Variants in GALNT8 observed in about 807,000 individuals in gnomAD.
The protein encoded by GALNT8 is polypeptide N-acetylgalactosaminyltransferase 8.
Under a neutral mutation model 62.7 loss-of-function variants are expected in GALNT8, and 66 were observed. That is an observed-to-expected ratio of 1.05 (90% CI 0.86 to 1.29). The LOEUF is 1.29. Among genes scored for constraint, GALNT8 ranks in the 50% most tolerant of loss-of-function variants. The pLI is 0.00. For synonymous variants in GALNT8, 288 were observed against 294.3 expected (o/e 0.98, Z 0.22); for missense variants, 771 against 791.8 (o/e 0.97, Z 0.32).
chr12:4,763,234 C>T lies in GALNT8; in HGVS notation c.1360-19C>T, dbSNP rs149573140. ...TTTCATGAATCAAAGCACAGAAACA[C>T]TTGGCGTTTTATTTACAGAACTCTG... On this transcript the variant is annotated intron_variant, in intron 7 of 10. Transcript: ENST00000252318. The T allele has an allele frequency of 1.1e-4, 176 of 1,607,474 alleles. No homozygotes were observed. The African/African-American group carries it at 1.9e-3, about 17-fold the overall frequency.
At position 4,739,276 on chromosome 12, in the gene GALNT8, C is replaced by T. The variant is rs762988879; in HGVS notation, c.623C>T (p.Thr208Met). 27 of 1,613,452 alleles carry T rather than the reference C, an allele frequency of 1.7e-5. No individual in the cohort carries two copies. Among genetic ancestry groups the T allele is most frequent in the Admixed American group, 3.3e-5 (2 of 59,984 alleles). ...QRAITSIINR[T>M]PSRLLKEIIL... ...GCCATCACCAGTATCATCAACCGGA[C>T]GCCCTCTCGATTGTTGAAGGAAATC... is the stretch of plus-strand genomic sequence containing the variant. The change falls in exon 3 of 11, where the codon ACG becomes ATG. Residue 208 changes from threonine (T) to methionine (M), a missense_variant. Thr to Met is a moderately conservative substitution (Grantham distance 81). Transcript: ENST00000252318.
intron 8 of GALNT8, 109 bp from the exon 9 acceptor site, chr12:4,763,843 G>GT: frequency 4.3e-6 from 3 of 703,318 alleles, no homozygotes; most frequent in Non-Finnish European, 5.3e-6. Context: ...CTTGTGGCTG[G>GT]TCGTTCCTGG....
At chr12:4,764,524 CAG>C (rs142587073) in intron 9 of GALNT8, among the ~76,000 whole-genome samples, 54,609 of 133,394 alleles carry the variant, frequency 0.41, 10,996 homozygotes, top group Admixed American at 0.48. Context: ...AAGGTGCAGT[CAG>C]GGGATTTTTT....
At chr12:4,729,383 C>G (rs1404625683) in intron 2 of GALNT8, among the ~76,000 whole-genome samples, 1 of 152,102 alleles carries the variant, frequency 6.6e-6, no homozygotes, top group Non-Finnish European at 1.5e-5. Flanking sequence ...TTCCTCCTAT[C>G]TAACTGAAAT....
Position 4,726,565 on chromosome 12 carries a change from A to C in GALNT8, c.245A>C (p.Glu82Ala). The change falls in exon 2 of 11, where the codon GAA becomes GCA. Residue 82 changes from glutamate to alanine, a missense_variant. By Grantham distance (107) the Glu-to-Ala change is moderately radical. Coordinates refer to ENST00000252318, the MANE Select transcript of GALNT8 (RefSeq NM_017417.2). The surrounding 1 kb of genome is among the most constrained non-coding windows in gnomAD (Gnocchi z 4.1). ...ESMKLALRQQ[E>A]NVNSTLKRAK... Reference sequence around the variant, plus strand: ...ATGAAATTAGCTCTGAGGCAACAAGAAAATGTGAACAGCACACTGAAGAGG... The same window carrying C: ...ATGAAATTAGCTCTGAGGCAACAAGCAAATGTGAACAGCACACTGAAGAGG... 2.5e-6 allele frequency: 4 copies of C among 1,613,178 alleles called. No homozygotes were observed. The highest frequency in any genetic ancestry group is 3.4e-6 in the Non-Finnish European group (4 of 1,179,308).
rs1265075072 is a variant in GALNT8, at chr12:4,720,651, A to C, written c.-27A>C. 6.3e-6 allele frequency: 9 copies of C among 1,422,422 alleles called. No homozygotes were observed. The highest frequency in any genetic ancestry group is 9.0e-6 in the Non-Finnish European group (9 of 1,005,122). 88.1% of individuals were successfully genotyped at this position (1,422,422 alleles called of 1,614,324 possible). ...CCAGCAGTGACACACTCAGTCCCAC[A>C]GGGAGTGGACGACCCCCAGGAAGAA... On this transcript the variant is annotated 5_prime_UTR_variant, in exon 1 of 11. Transcript: ENST00000252318.
intron 6 of GALNT8, among the ~76,000 whole-genome samples, chr12:4,756,175 G>A (rs1312951370): frequency 1.3e-5 from 2 of 152,084 alleles, no homozygotes; most frequent in East Asian, 1.9e-4. Flanking sequence ...TACCTTTTTG[G>A]TGTAATCTAC....
intron 10 of GALNT8, among the ~76,000 whole-genome samples, chr12:4,765,873 C>T (rs1159925513): frequency 6.6e-6 from 1 of 152,180 alleles, no homozygotes; most frequent in Non-Finnish European, 1.5e-5. Flanking sequence ...CTCCCAGGTC[C>T]TGGTTCAAGC....
At chr12:4,733,784 A>T (rs1467821259) in intron 2 of GALNT8, among the ~76,000 whole-genome samples, 2 of 152,182 alleles carry the variant, frequency 1.3e-5, no homozygotes, top group African/African-American at 4.8e-5. Context: ...TCCACTTACG[A>T]ATTCGCCACT....
intron 4 of GALNT8, 145 bp downstream of exon 4, chr12:4,744,845 A>T (rs1591569039): frequency 3.4e-6 from 2 of 589,108 alleles, no homozygotes; most frequent in East Asian, 5.8e-5. Flanking sequence ...GCATGCTTTT[A>T]TGCAGGGATT....
rs187353406 is a variant in GALNT8, at chr12:4,766,765, A to G, written c.1761+1219A>G. 7.4e-3 allele frequency among the ~76,000 whole-genome samples: 1,120 copies of G among 152,136 alleles called. 18 individuals carry two copies. Among genetic ancestry groups the G allele is most frequent in the Admixed American group, 0.031 (477 of 15,262 alleles). ...CTCTGACTGTGTCTCTGAATGCGGTACTATGCTTGGTTCAGGTGCCACACG... is the reference window on the plus strand; with the variant it reads ...CTCTGACTGTGTCTCTGAATGCGGTGCTATGCTTGGTTCAGGTGCCACACG... On this transcript the variant is annotated intron_variant, in intron 10 of 10. Coordinates refer to ENST00000252318, the MANE Select transcript of GALNT8 (RefSeq NM_017417.2).
At chr12:4,743,155 A>G (rs1481182943) in intron 3 of GALNT8, among the ~76,000 whole-genome samples, 2 of 152,204 alleles carry the variant, frequency 1.3e-5, no homozygotes, top group Non-Finnish European at 2.9e-5. Flanking sequence ...CCACTATGGT[A>G]CTTTTCTCTA....
intron 10 of GALNT8, among the ~76,000 whole-genome samples, chr12:4,771,789 G>T (rs1238729788): frequency 1.3e-5 from 2 of 152,132 alleles, no homozygotes; most frequent in Non-Finnish European, 2.9e-5. Flanking sequence ...TGGACAGATG[G>T]CAGGAGTGTC....
intron 1 of GALNT8, among the ~76,000 whole-genome samples, chr12:4,722,943 G>A (rs114007265): frequency 1.8e-4 from 28 of 152,204 alleles, no homozygotes; most frequent in African/African-American, 6.7e-4. Flanking sequence ...AGGGAGTCCA[G>A]GGAGAGAGAG....
At position 4,745,446 on chromosome 12, in the gene GALNT8, C is replaced by T; in HGVS notation, c.878C>T (p.Ala293Val). The T allele has an allele frequency of 1.2e-6, 2 of 1,611,532 alleles. No homozygotes were observed. Among genetic ancestry groups the T allele is most frequent in the African/African-American group, 1.3e-5 (1 of 74,994 alleles). ...VNVGWAEPIL[A>V]RIQEDRTVIV... is the part of the protein sequence containing the mutation. ...TGTTCTAGGGCAGAGCCAATCTTGG[C>T]TCGGATTCAGGAGGACCGCACTGTG... The change falls in exon 5 of 11, where the codon GCT becomes GTT. Residue 293 changes from alanine (A) to valine (V), a missense_variant. Physicochemically the swap from Ala to Val is moderately conservative, Grantham distance 64 (BLOSUM62 0). Coordinates refer to ENST00000252318, the MANE Select transcript of GALNT8 (RefSeq NM_017417.2).
chr12:4,756,845 C>CT (rs899840605), intron 6 of GALNT8, among the ~76,000 whole-genome samples: 1 of 152,020 alleles, frequency 6.6e-6, no homozygotes, highest in African/African-American at 2.4e-5. Flanking sequence ...GAAAACTAAC[C>CT]TTTTTTGGAT....
At chr12:4,761,314 C>T (rs1345386755) in intron 7 of GALNT8, among the ~76,000 whole-genome samples, 171 bp downstream of exon 7, 1 of 152,176 alleles carries the variant, frequency 6.6e-6, no homozygotes, top group Non-Finnish European at 1.5e-5. Flanking sequence ...TACAGTACTG[C>T]ATTCCGGACC....
intron 1 of GALNT8, among the ~76,000 whole-genome samples, chr12:4,725,802 C>G (rs916178393): frequency 2.6e-5 from 4 of 152,164 alleles, no homozygotes; most frequent in African/African-American, 7.2e-5. Flanking sequence ...GATCCGCCCA[C>G]CTCGGCCTCC....
chr12:4,752,662 C>G (rs1158807086), intron 6 of GALNT8, among the ~76,000 whole-genome samples: 1 of 151,712 alleles, frequency 6.6e-6, no homozygotes, highest in African/African-American at 2.4e-5. Flanking sequence ...TATTGTTGAT[C>G]GATTCATTAT....
Sources: allele counts gnomAD v4.1 joint callset (sites outside exome capture counted in the v4.1 genomes callset), GRCh38; gene constraint gnomAD v4.1.1; non-coding constraint Gnocchi (gnomAD v3.1); transcripts MANE v1.5; gene names NCBI Gene and HGNC (gene_info 2026-07-23, HGNC 2026-07-21).